Variants in KLRG1 observed in about 807,000 individuals in gnomAD.
The protein encoded by KLRG1 is killer cell lectin-like receptor subfamily G member 1.
KLRG1 carries 16 observed loss-of-function variants against 21.8 expected under a neutral mutation model. That is an observed-to-expected ratio of 0.73 (90% confidence interval 0.50 to 1.11). The LOEUF is 1.11. Among genes scored for constraint, KLRG1 ranks in the 50% most tolerant of loss-of-function variants. The pLI is 0.00. For synonymous variants in KLRG1, 69 were observed against 75.9 expected (o/e 0.91, Z 0.47); for missense variants, 173 against 218.3 (o/e 0.79, Z 1.31).
chr12:9,116,115 C>G, the KLRG1 span: 1 of 430,930 alleles, frequency 2.3e-6, no homozygotes, highest in Admixed American at 3.3e-5. Flanking sequence ...TTCCCATTCC[C>G]GTAAGAGCTC....
the KLRG1 span, chr12:9,149,459 G>A: frequency 8.4e-7 from 1 of 1,191,758 alleles, no homozygotes; most frequent in Admixed American, 2.2e-5. Context: ...CATGTGGATT[G>A]TCTCAGATGT....
the KLRG1 span, chr12:9,079,935 C>CTA: frequency 2.7e-6 from 3 of 1,096,604 alleles, no homozygotes; most frequent in Non-Finnish European, 2.5e-6. Flanking sequence ...ATGATTCTTC[C>CTA]AGGGATAGAA....
chr12:9,163,808 A>T, the KLRG1 span: 3 of 1,608,098 alleles, frequency 1.9e-6, no homozygotes, highest in African/African-American at 4.0e-5. Context: ...AGGAATATTG[A>T]AAACATGAGT....
Position 8,971,282 on chromosome 12 carries a change from T to C in KLRG1, c.-155-20924T>C, listed in dbSNP as rs1264060862. On this transcript the variant is annotated intron_variant, in intron 1 of 4. Coordinates refer to the KLRG1 transcript ENST00000539240. ...TTAGTGGTAAAGAGCTATTCAAAAA[T>C]TTATTTCTTTTTGTGTCAGTTTGTT... 3 of 152,050 alleles carry C rather than the reference T, an allele frequency of 2.0e-5. No individual in the cohort carries two copies. In the East Asian group the frequency reaches 5.8e-4, roughly 29 times the overall value. 9.4% of individuals were successfully genotyped at this position (152,050 alleles called of 1,614,324 possible). A position where few individuals can be genotyped will look rare whatever the true frequency, so the allele number is the denominator to read the frequency against.
chr12:9,041,605 T>G, the KLRG1 span, among the ~76,000 whole-genome samples: 2 of 152,268 alleles, frequency 1.3e-5, no homozygotes, highest in East Asian at 3.9e-4. Context: ...TTCTACTGTC[T>G]CTTGGCACAT....
chr12:8,960,797 AG>A (rs762604268), intron 1 of KLRG1, among the ~76,000 whole-genome samples: 2 of 152,232 alleles, frequency 1.3e-5, no homozygotes, highest in African/African-American at 2.4e-5. Flanking sequence ...GACAAAATAT[AG>A]TACTGCTTGT....
At chr12:9,036,736 G>C in the KLRG1 span, 1 of 310,032 alleles carries the variant, frequency 3.2e-6, no homozygotes, top group Non-Finnish European at 6.6e-6. Context: ...TCTTGCAAGA[G>C]GGACTGCATA....
chr12:9,093,564 C>G, the KLRG1 span: 1 of 1,599,756 alleles, frequency 6.3e-7, no homozygotes, highest in Non-Finnish European at 8.5e-7. Context: ...ATGGCCTCTT[C>G]CCATTACATC....
chr12:9,160,106 C>T, the KLRG1 span: 27 of 1,344,252 alleles, frequency 2.0e-5, no homozygotes, highest in Admixed American at 1.7e-4. Context: ...TGCATCCAGG[C>T]GCCATGGACA....
intron 2 of KLRG1, among the ~76,000 whole-genome samples, chr12:8,993,081 ATTTTT>A (rs35555710): frequency 4.7e-4 from 60 of 128,996 alleles, no homozygotes; most frequent in Admixed American, 4.7e-4. Context: ...AACATTCTGA[ATTTTT>A]TTTTTTTTTT....
the KLRG1 span, chr12:9,080,177 C>T: frequency 5.1e-6 from 8 of 1,571,448 alleles, no homozygotes; most frequent in African/African-American, 6.8e-5. Context: ...AACCTCACCA[C>T]CTAGAGAAAT....
At chr12:9,118,796 C>T in the KLRG1 span, among the ~76,000 whole-genome samples, 1 of 152,156 alleles carries the variant, frequency 6.6e-6, no homozygotes. Context: ...TTAAAGCAGT[C>T]TGAATGCCAC....
At chr12:9,019,403 C>T in the KLRG1 span, among the ~76,000 whole-genome samples, 1 of 152,136 alleles carries the variant, frequency 6.6e-6, no homozygotes, top group African/African-American at 2.4e-5. Flanking sequence ...TATGATCCAG[C>T]AATACCACTG....
the KLRG1 span, chr12:9,077,570 C>CT: frequency 1.3e-6 from 2 of 1,494,648 alleles, no homozygotes; most frequent in Admixed American, 2.0e-5. Flanking sequence ...TCTATCCCCT[C>CT]TTTTTTGGTG....
chr12:9,202,785 AG>A, the KLRG1 span: 4 of 1,107,208 alleles, frequency 3.6e-6, no homozygotes, highest in Admixed American at 1.0e-4. Context: ...AGCTTCACCA[AG>A]GAGAAGGAAG....
At chr12:8,995,006 A>T (rs1219644448) in intron 2 of KLRG1, 113 bp from the exon 3 acceptor site, 5 of 877,614 alleles carry the variant, frequency 5.7e-6, no homozygotes, top group Non-Finnish European at 8.6e-6. Context: ...CCTTAATCTG[A>T]AAAGTGGTGG....
chr12:9,002,812 C>T (rs987550688), intron 3 of KLRG1, among the ~76,000 whole-genome samples: 1 of 152,014 alleles, frequency 6.6e-6, no homozygotes. Context: ...AGAGATTTTC[C>T]TGCCTTGGCC....
chr12:9,187,011 G>T, the KLRG1 span, among the ~76,000 whole-genome samples: 3 of 117,078 alleles, frequency 2.6e-5, no homozygotes, highest in East Asian at 8.1e-4. Flanking sequence ...TAAAAAAAAA[G>T]AAAAAGAGAA....
At chr12:9,068,913 C>A in the KLRG1 span, 1 of 1,143,312 alleles carries the variant, frequency 8.7e-7, no homozygotes, top group Non-Finnish European at 1.2e-6. Context: ...TTTAAGTATT[C>A]ACCTGTTTTT....
Sources: gnomAD v4.1 joint callset for allele counts (sites outside exome capture counted in the v4.1 genomes callset) on GRCh38, gnomAD v4.1.1 for gene constraint, MANE v1.5 for transcripts, NCBI Gene and HGNC (gene_info 2026-07-23, HGNC 2026-07-21) for gene names.